The following TERT variants were observed in gnomAD, a reference collection of about 807,000 sequenced individuals.
TERT encodes the protein telomerase reverse transcriptase.
Under a neutral mutation model 104.0 loss-of-function variants are expected in TERT, and 42 were observed. That is an observed-to-expected ratio of 0.40 (90% CI 0.32 to 0.52). TERT has a LOEUF of 0.52. Among genes scored for constraint, TERT ranks in the 20% least tolerant of loss-of-function variants. The pLI, the probability that TERT is intolerant of heterozygous loss-of-function variation, is 0.43. For synonymous variants in TERT, 781 were observed against 725.6 expected, an observed-to-expected ratio of 1.08 and a Z score of -1.23; for missense variants, 1,101 against 1,610.3, an observed-to-expected ratio of 0.68 and a Z score of 5.41.
rs2126692838 is a variant in TERT, at chr5:1,294,954, G to A, written c.36C>T (p.Ser12=). 1.4e-6 allele frequency: 2 copies of A among 1,381,336 alleles called. No individual in the cohort carries two copies. The highest frequency in any genetic ancestry group is 3.4e-5 in the Admixed American group (1 of 29,816). 85.6% of individuals were successfully genotyped at this position (1,381,336 alleles called of 1,614,324 possible). ...PRAPRCRAVR[S]LLRSHYREVL... ...CCTCGCGGTAGTGGCTGCGCAGCAG[G>A]GAGCGCACGGCTCGGCAGCGGGGAG... is the stretch of plus-strand genomic sequence containing the variant. Residue 12 remains serine (S), a synonymous_variant, in exon 1 of 16, where the codon TCC becomes TCT. Coordinates refer to ENST00000310581, the MANE Select transcript of TERT (RefSeq NM_198253.3).
chr5:1,277,858 C>T (rs529100466), intron 6 of TERT, among the ~76,000 whole-genome samples: 43 of 152,280 alleles, frequency 2.8e-4, no homozygotes, highest in African/African-American at 9.1e-4. Context: ...ACTTCTTCAC[C>T]TCTGCACCCC....
At chr5:1,267,010 A>G (rs572842016) in intron 9 of TERT, among the ~76,000 whole-genome samples, 54 of 152,352 alleles carry the variant, frequency 3.5e-4, no homozygotes, top group African/African-American at 1.2e-3. Flanking sequence ...CCAGCGCCCC[A>G]TGACCATGGG....
chr5:1,266,765 C>T (rs562281019), intron 9 of TERT, among the ~76,000 whole-genome samples: 1 of 152,336 alleles, frequency 6.6e-6, no homozygotes, highest in East Asian at 1.9e-4. Flanking sequence ...TCAGCTTGTG[C>T]AATTCTGTGC....
At chr5:1,254,190 G>A (rs1258453802) in intron 15 of TERT, among the ~76,000 whole-genome samples, 178 bp downstream of exon 15, 6 of 152,160 alleles carry the variant, frequency 3.9e-5, no homozygotes, top group African/African-American at 9.7e-5. Context: ...GCCAGGCTCC[G>A]TGGCCTGGGG....
intron 6 of TERT, among the ~76,000 whole-genome samples, chr5:1,276,534 C>T (rs1749607894): frequency 6.7e-6 from 1 of 150,290 alleles, no homozygotes; most frequent in South Asian, 2.1e-4. Context: ...AGATCCCCAC[C>T]TACCCCGCAC....
chr5:1,266,172 C>T (rs562963879), intron 10 of TERT, among the ~76,000 whole-genome samples: 1 of 152,322 alleles, frequency 6.6e-6, no homozygotes, highest in East Asian at 1.9e-4. Flanking sequence ...CCACTCTTGA[C>T]TTTCCAAAGA....
At position 1,293,932 on chromosome 5, in the gene TERT, G is replaced by A. The variant is rs964108245; in HGVS notation, c.954C>T (p.Asp318=). The A allele has an allele frequency of 6.5e-7, 1 of 1,544,176 alleles. No individual in the cohort carries two copies. Among genetic ancestry groups the A allele is most frequent in the Non-Finnish European group, 8.7e-7 (1 of 1,147,902 alleles). The part of the protein sequence containing the change: ...PSTSRPPRPW[D]TPCPPVYAET... ...CGGCGTACACCGGGGGACAAGGCGTGTCCCAGGGACGTGGTGGCCGCGATG... is the reference window on the plus strand; with the variant it reads ...CGGCGTACACCGGGGGACAAGGCGTATCCCAGGGACGTGGTGGCCGCGATG... Residue 318 remains aspartate (D), a synonymous_variant, in exon 2 of 16, where the codon GAC becomes GAT. Transcript: ENST00000310581.
chr5:1,255,251 G>A lies in TERT; in HGVS notation c.3157+36C>T, dbSNP rs781459070. ...CTGACACACTAACACCAGCAGGCAGGCACTGCTGCCACTGAGGCCAGGCAC... is the reference window on the plus strand; with the variant it reads ...CTGACACACTAACACCAGCAGGCAGACACTGCTGCCACTGAGGCCAGGCAC... On this transcript the variant is annotated intron_variant, in intron 14 of 15. Coordinates refer to ENST00000310581, the MANE Select transcript of TERT (RefSeq NM_198253.3). This position sits in a 1 kb window ranked among gnomAD's most constrained non-coding sequence, Gnocchi z 6.9. 3.7e-6 allele frequency: 6 copies of A among 1,610,138 alleles called. No individual in the cohort carries two copies. The East Asian group carries it at 1.3e-4, about 36-fold the overall frequency.
chr5:1,256,436 G>A lies in TERT; in HGVS notation c.3033-1025C>T, dbSNP rs1355499147. ...ATATGTGCGTGTGATCAGAGCCCCC[G>A]TGTACCTGGTCTGACCCTCTGCCTG... On this transcript the variant is annotated intron_variant, in intron 13 of 15. Transcript: ENST00000310581. This position sits in a 1 kb window ranked among gnomAD's most constrained non-coding sequence, Gnocchi z 7.0. Among the ~76,000 whole-genome samples the A allele has an allele frequency of 6.7e-6, 1 of 149,010 alleles. No individual in the cohort carries two copies. Among genetic ancestry groups the A allele is most frequent in the African/African-American group, 2.5e-5 (1 of 39,738 alleles).
intron 2 of TERT, among the ~76,000 whole-genome samples, chr5:1,291,270 G>A (rs1473034578): frequency 1.1e-5 from 1 of 88,918 alleles, no homozygotes. Flanking sequence ...CGGGGACAGC[G>A]CCTCACTCAC....
chr5:1,278,754 G>A lies in TERT; in HGVS notation c.2173C>T (p.Leu725Phe). The change falls in exon 6 of 16, where the codon CTC becomes TTC. Residue 725 changes from leucine (L) to phenylalanine (F), a missense_variant. Physicochemically the swap from Leu to Phe is conservative, Grantham distance 22. Around this residue, in one of 5 missense-constraint regions of TERT, gnomAD observed 463 missense variants for 797.5 expected, o/e 0.58. Transcript: ENST00000310581. ...GAYDTIPQDRLTEVIASIIKP... is the reference protein window; with the variant it reads ...GAYDTIPQDRFTEVIASIIKP... ...ATGATGCTGGCGATGACCTCCGTGAGCCTGTCCTGGGGGATGGTGTCGTAC... is the reference window on the plus strand; with the variant it reads ...ATGATGCTGGCGATGACCTCCGTGAACCTGTCCTGGGGGATGGTGTCGTAC... 1.2e-6 allele frequency: 2 copies of A among 1,614,180 alleles called. No individual in the cohort carries two copies. The highest frequency in any genetic ancestry group is 1.7e-6 in the Non-Finnish European group (2 of 1,180,050).
chr5:1,283,639 GC>G (rs1253813928), intron 2 of TERT, among the ~76,000 whole-genome samples: 6 of 139,000 alleles, frequency 4.3e-5, no homozygotes, highest in African/African-American at 5.5e-5. Flanking sequence ...CCAGCTCACA[GC>G]AGGGCCTGGC....
chr5:1,290,708 G>A (rs1226087275), intron 2 of TERT, among the ~76,000 whole-genome samples: 21 of 45,440 alleles, frequency 4.6e-4, no homozygotes, highest in African/African-American at 9.1e-4. Flanking sequence ...CACGTGACAG[G>A]GACACCCGGG....
intron 1 of TERT, 37 bp downstream of exon 1, chr5:1,294,734 T>C: frequency 6.4e-7 from 1 of 1,567,642 alleles, no homozygotes; most frequent in Non-Finnish European, 8.6e-7. Context: ...CCGGCCGCCC[T>C]CAACCCCAGC....
rs1282026714 is a variant in TERT, at chr5:1,293,831, G to A, written c.1055C>T (p.Pro352Leu). 3 of 1,549,374 alleles carry A rather than the reference G, an allele frequency of 1.9e-6. No homozygotes were observed. The highest frequency in any genetic ancestry group is 2.4e-5 in the East Asian group (1 of 40,932). The change falls in exon 2 of 16, where the codon CCC becomes CTC. Residue 352 changes from proline (P) to leucine (L), a missense_variant. By Grantham distance (98) the Pro-to-Leu change is moderately conservative. Around this residue, in one of 5 missense-constraint regions of TERT, gnomAD observed 504 missense variants for 544.6 expected, o/e 0.93. Coordinates refer to ENST00000310581, the MANE Select transcript of TERT (RefSeq NM_198253.3). ...GAGCCTCCGAGCGCCAGTCAGGCTG[G>A]GCCTCAGAGAGCTGAGTAGGAAGGA... is the stretch of plus-strand genomic sequence containing the variant. ...RPSFLLSSLR[P>L]SLTGARRLVE...
In TERT at chr5:1,270,536, G is replaced by C. The variant is rs1279784893; in HGVS notation, c.2468+583C>G. Among the ~76,000 whole-genome samples, 1 of 152,190 alleles carries C rather than the reference G, an allele frequency of 6.6e-6. No individual in the cohort carries two copies. Among genetic ancestry groups the C allele is most frequent in the Non-Finnish European group, 1.5e-5 (1 of 68,034 alleles). ...TACCACCGTGAGTGTGGCTCACCCA[G>C]TGGCTGTGTGACGGCAGCTCTCCCA... On this transcript the variant is annotated intron_variant, in intron 8 of 15. Transcript: ENST00000310581. This position sits in a 1 kb window ranked among gnomAD's most constrained non-coding sequence, Gnocchi z 8.3.
In TERT at chr5:1,255,029, G is replaced by C. The variant is rs1376959792; in HGVS notation, c.3157+258C>G. The stretch of plus-strand genomic sequence containing the variant: ...ATCCCACCATGGGGCAAACAGGAGA[G>C]ACCAGGCCCCCCAGCGCTTCCCCAG... On this transcript the variant is annotated intron_variant, in intron 14 of 15. Coordinates refer to ENST00000310581, the MANE Select transcript of TERT (RefSeq NM_198253.3). The surrounding 1 kb of genome is among the most constrained non-coding windows in gnomAD (Gnocchi z 6.9). Among the ~76,000 whole-genome samples the C allele has an allele frequency of 6.6e-6, 1 of 152,166 alleles. No homozygotes were observed. The highest frequency in any genetic ancestry group is 1.9e-4 in the East Asian group (1 of 5,190).
In TERT at chr5:1,288,644, G is replaced by C. The variant is rs1315189430; in HGVS notation, c.1573+4669C>G. ...GGCAGCTTGGGAGAAAACAGGACAA[G>C]TGAGGGGGCTGGGGTGACTTGCTTT... is the stretch of plus-strand genomic sequence containing the variant. On this transcript the variant is annotated intron_variant, in intron 2 of 15. Transcript: ENST00000310581. This position sits in a 1 kb window ranked among gnomAD's most constrained non-coding sequence, Gnocchi z 5.3. 6.6e-6 allele frequency among the ~76,000 whole-genome samples: 1 copy of C among 152,170 alleles called. No individual in the cohort carries two copies. Among genetic ancestry groups the C allele is most frequent in the Non-Finnish European group, 1.5e-5 (1 of 68,032 alleles).
chr5:1,266,519 C>A lies in TERT; in HGVS notation c.2599G>T (p.Val867Leu), dbSNP rs201159197. Residue 867 changes from valine to leucine, a missense_variant, in exon 10 of 16, where the codon GTG (valine) becomes TTG (leucine). Val to Leu is a conservative substitution (Grantham distance 32). This residue lies in a region of TERT where 463 missense variants were observed against 797.5 expected (regional missense o/e 0.58). Transcript: ENST00000310581. ...IRRDGLLLRL[V>L]DDFLLVTPHL... ...GGTGTCACCAACAAGAAATCATCCA[C>A]CAAACGCAGGAGCAGCCTAAAATAA... 1 of 1,610,236 alleles carries A rather than the reference C, an allele frequency of 6.2e-7. No individual in the cohort carries two copies. Among genetic ancestry groups the A allele is most frequent in the East Asian group, 2.2e-5 (1 of 44,836 alleles).
Sources: gnomAD v4.1 joint callset for allele counts (sites outside exome capture counted in the v4.1 genomes callset) on GRCh38, gnomAD v4.1.1 for gene constraint, gnomAD v4.1.1 regional missense constraint, Gnocchi (gnomAD v3.1) non-coding constraint, MANE v1.5 for transcripts, NCBI Gene and HGNC (gene_info 2026-07-23, HGNC 2026-07-21) for gene names.